The following LINGO2 variants were observed in gnomAD, a reference collection of about 807,000 sequenced individuals.
LINGO2 encodes leucine rich repeat and Ig domain containing 2, also known as leucine-rich repeat and immunoglobulin-like domain-containing nogo receptor-interacting protein 2.
LINGO2 carries 14 observed loss-of-function variants against 30.6 expected under a neutral mutation model. The observed-to-expected ratio is 0.46, with a 90% CI of 0.30 to 0.72. LINGO2 has a LOEUF of 0.72. Ranked by LOEUF, LINGO2 falls within the 30% of genes least tolerant of loss-of-function variation. LINGO2 has a pLI of 0.07. For synonymous variants in LINGO2, 317 were observed against 288.5 expected, an observed-to-expected ratio of 1.10 and a Z score of -1.00; for missense variants, 729 against 751.7, an observed-to-expected ratio of 0.97 and a Z score of 0.35.
chr9:29,113,932 G>T, the LINGO2 span, among the ~76,000 whole-genome samples: 1 of 151,264 alleles, frequency 6.6e-6, no homozygotes, highest in Non-Finnish European at 1.5e-5. Context: ...TAATATGAGG[G>T]TAATCTGAGA....
chr9:28,101,105 A>G (rs1377052), intron 4 of LINGO2, among the ~76,000 whole-genome samples: 33,649 of 151,968 alleles, frequency 0.22, 4,028 homozygotes, highest in East Asian at 0.26. Context: ...AAGAAAAGAT[A>G]AAAAGAAGTT....
At chr9:28,400,460 C>G (rs78132544) in intron 2 of LINGO2, among the ~76,000 whole-genome samples, 2,480 of 152,226 alleles carry the variant, frequency 0.016, 77 homozygotes, top group African/African-American at 0.056. Flanking sequence ...CACTAATAAC[C>G]AGGGCTGCCT....
At chr9:28,907,961 T>A in the LINGO2 span, among the ~76,000 whole-genome samples, 1 of 151,640 alleles carries the variant, frequency 6.6e-6, no homozygotes, top group Non-Finnish European at 1.5e-5. Flanking sequence ...GTGCACAGAT[T>A]TATTGGAATG....
At chr9:28,064,834 T>G (rs1457246829) in intron 4 of LINGO2, among the ~76,000 whole-genome samples, 1 of 151,956 alleles carries the variant, frequency 6.6e-6, no homozygotes, top group Non-Finnish European at 1.5e-5. Flanking sequence ...GGGGAAATGA[T>G]TTTTGCATCA....
the LINGO2 span, among the ~76,000 whole-genome samples, chr9:28,836,688 G>T: frequency 2.0e-5 from 3 of 151,860 alleles, no homozygotes; most frequent in Admixed American, 6.6e-5. Context: ...TTCAAGATTT[G>T]TCATGTGATA....
chr9:28,619,518 T>C (rs533962996), intron 1 of LINGO2, among the ~76,000 whole-genome samples: 1 of 152,266 alleles, frequency 6.6e-6, no homozygotes, highest in African/African-American at 2.4e-5. Context: ...TTTAGCACAA[T>C]GATTTAGCAG....
intron 4 of LINGO2, among the ~76,000 whole-genome samples, chr9:28,048,819 T>C (rs1177426373): frequency 1.3e-5 from 2 of 150,542 alleles, no homozygotes; most frequent in Non-Finnish European, 2.9e-5. Flanking sequence ...CCACAATCGA[T>C]GAAAATAGCA....
At chr9:28,722,197 A>T in the LINGO2 span, among the ~76,000 whole-genome samples, 1 of 152,152 alleles carries the variant, frequency 6.6e-6, no homozygotes, top group African/African-American at 2.4e-5. Flanking sequence ...CCTAAAGGAA[A>T]TATTGCAAGT....
chr9:28,628,689 G>T (rs895933428), intron 1 of LINGO2, among the ~76,000 whole-genome samples: 1 of 152,006 alleles, frequency 6.6e-6, no homozygotes, highest in African/African-American at 2.4e-5. Flanking sequence ...TTATCCCCTT[G>T]GTACCTAGTC....
At chr9:28,819,834 A>G in the LINGO2 span, among the ~76,000 whole-genome samples, 1 of 152,164 alleles carries the variant, frequency 6.6e-6, no homozygotes, top group Non-Finnish European at 1.5e-5. Flanking sequence ...TGGGCTATAG[A>G]AACCACATAT....
chr9:28,026,391 C>T (rs1823377165), intron 4 of LINGO2, among the ~76,000 whole-genome samples: 1 of 152,130 alleles, frequency 6.6e-6, no homozygotes, highest in Admixed American at 6.5e-5. Context: ...ACATCAGAAT[C>T]ACCTGGATGG....
the LINGO2 span, among the ~76,000 whole-genome samples, chr9:28,763,347 TA>T: frequency 9.9e-5 from 15 of 152,056 alleles, no homozygotes; most frequent in East Asian, 2.7e-3. Flanking sequence ...ATTTTCCTAC[TA>T]AAATAGAATG....
At chr9:28,037,898 T>TATA (rs1360740157) in intron 4 of LINGO2, among the ~76,000 whole-genome samples, 2 of 152,222 alleles carry the variant, frequency 1.3e-5, no homozygotes, top group Non-Finnish European at 1.5e-5. Flanking sequence ...AAGTAACTCA[T>TATA]ATACAGTGTC....
chr9:28,102,260 G>C (rs1218377944), intron 4 of LINGO2, among the ~76,000 whole-genome samples: 1 of 151,928 alleles, frequency 6.6e-6, no homozygotes, highest in Non-Finnish European at 1.5e-5. Flanking sequence ...ACGCTTGAAT[G>C]AGAGATCAAA....
chr9:28,257,816 CT>C (rs1822431736), intron 4 of LINGO2, among the ~76,000 whole-genome samples: 1 of 151,834 alleles, frequency 6.6e-6, no homozygotes, highest in Admixed American at 6.6e-5. Context: ...ATTTGTTGGT[CT>C]GTTATGGTTG....
At chr9:29,158,802 G>A in the LINGO2 span, among the ~76,000 whole-genome samples, 1 of 152,104 alleles carries the variant, frequency 6.6e-6, no homozygotes, top group African/African-American at 2.4e-5. Context: ...GAGAGAGCAA[G>A]AGAGAGAAAG....
downstream of LINGO2, among the ~76,000 whole-genome samples, chr9:27,946,309 C>T (rs1823362654): frequency 6.6e-6 from 1 of 152,064 alleles, no homozygotes; most frequent in South Asian, 2.1e-4. Flanking sequence ...TGGAAGAATG[C>T]TTAGAAATAT....
chr9:28,149,545 G>A (rs1331593627), intron 4 of LINGO2, among the ~76,000 whole-genome samples: 19 of 117,268 alleles, frequency 1.6e-4, no homozygotes, highest in Non-Finnish European at 2.7e-4. Context: ...CTCTGCCCGG[G>A]CCCTGCCCCG....
At chr9:28,433,924 T>G (rs1169751968) in intron 2 of LINGO2, among the ~76,000 whole-genome samples, 2 of 22,168 alleles carry the variant, frequency 9.0e-5, no homozygotes, top group African/African-American at 2.1e-4. Flanking sequence ...GCTCTCTCTT[T>G]CTCTCTCTCT....
Sources: gnomAD v4.1 joint callset for allele counts (sites outside exome capture counted in the v4.1 genomes callset) on GRCh38, gnomAD v4.1.1 for gene constraint, MANE v1.5 for transcripts, NCBI Gene and HGNC (gene_info 2026-07-23, HGNC 2026-07-21) for gene names.